FAM107B: variants seen among roughly 807,000 people sequenced by gnomAD.
The protein encoded by FAM107B is protein FAM107B.
FAM107B carries 21 observed loss-of-function variants against 31.5 expected under a neutral mutation model. That is an observed-to-expected ratio of 0.67 (90% CI 0.47 to 0.96). The LOEUF (loss-of-function observed/expected upper bound fraction) is 0.96. Among genes scored for constraint, FAM107B ranks in the 40% least tolerant of loss-of-function variants. FAM107B has a pLI of 0.00. For missense variants in FAM107B, 452 were observed against 377.1 expected, an observed-to-expected ratio of 1.20 and a Z score of -1.64; for synonymous variants, 157 against 141.5, an observed-to-expected ratio of 1.11 and a Z score of -0.78.
At chr10:14,590,059 G>A (rs1056307241) in intron 2 of FAM107B, among the ~76,000 whole-genome samples, 2 of 152,184 alleles carry the variant, frequency 1.3e-5, no homozygotes, top group African/African-American at 2.4e-5. Flanking sequence ...ATTCCAGGAT[G>A]AGTTTTGGTT....
intron 1 of FAM107B, among the ~76,000 whole-genome samples, chr10:14,770,671 A>C (rs902126640): frequency 3.3e-5 from 5 of 152,224 alleles, no homozygotes; most frequent in African/African-American, 1.2e-4. Flanking sequence ...CAATTATAAG[A>C]CACATTCCCA....
chr10:14,692,066 G>A (rs1290968463), intron 1 of FAM107B, among the ~76,000 whole-genome samples: 1 of 152,050 alleles, frequency 6.6e-6, no homozygotes, highest in Non-Finnish European at 1.5e-5. Flanking sequence ...TTACAGGTTT[G>A]GAGGCAAGTG....
chr10:14,691,314 C>T (rs1229901237), intron 1 of FAM107B, among the ~76,000 whole-genome samples: 1 of 152,122 alleles, frequency 6.6e-6, no homozygotes, highest in Non-Finnish European at 1.5e-5. Context: ...TTAGCTCAGT[C>T]CTGCAGAGTC....
At position 14,727,715 on chromosome 10, in the gene FAM107B, A is replaced by G. The variant is rs138910285; in HGVS notation, c.411+46538T>C. On this transcript the variant is annotated intron_variant, in intron 1 of 4. Transcript: ENST00000181796. ...TTAATAACAGACTTCCCTTCCTCGAATCACTTCCCCACTCTCCCACCAGGG... is the reference window on the plus strand; with the variant it reads ...TTAATAACAGACTTCCCTTCCTCGAGTCACTTCCCCACTCTCCCACCAGGG... Among the ~76,000 whole-genome samples the G allele has an allele frequency of 3.4e-3, 523 of 152,336 alleles. 12 individuals carry two copies. The East Asian group carries it at 0.046, about 13-fold the overall frequency.
At chr10:14,575,605 G>C (rs7910322) in intron 2 of FAM107B, among the ~76,000 whole-genome samples, 118,886 of 152,140 alleles carry the variant, frequency 0.78, 46,747 homozygotes, top group Middle Eastern at 0.86. Flanking sequence ...AAGGAGCTCA[G>C]GCAGGCACAG....
At chr10:14,686,478 A>C (rs548289436) in intron 1 of FAM107B, among the ~76,000 whole-genome samples, 1 of 152,178 alleles carries the variant, frequency 6.6e-6, no homozygotes, top group Admixed American at 6.5e-5. Flanking sequence ...AGGCATTCTA[A>C]GCTTCTAAGC....
intron 3 of FAM107B, 168 bp downstream of exon 3, chr10:14,530,164 C>A: frequency 1.4e-6 from 1 of 707,746 alleles, no homozygotes; most frequent in Non-Finnish European, 2.3e-6. Flanking sequence ...AGGGGATCTG[C>A]CTCACGGAGG....
intron 2 of FAM107B, among the ~76,000 whole-genome samples, chr10:14,573,814 G>A (rs964403198): frequency 6.6e-6 from 1 of 151,818 alleles, no homozygotes; most frequent in African/African-American, 2.4e-5. Context: ...GCATAGAACA[G>A]ACTACAACAG....
chr10:14,603,881 G>A (rs1354300358), intron 2 of FAM107B, among the ~76,000 whole-genome samples: 1 of 151,290 alleles, frequency 6.6e-6, no homozygotes, highest in Non-Finnish European at 1.5e-5. Flanking sequence ...GCGGGCATAC[G>A]GCGCACACGG....
At chr10:14,615,336 CA>C (rs201846000) in intron 2 of FAM107B, among the ~76,000 whole-genome samples, 6 of 149,346 alleles carry the variant, frequency 4.0e-5, no homozygotes, top group African/African-American at 1.5e-4. Context: ...CTCAAAAAAA[CA>C]AAAAAAAAGG....
intron 1 of FAM107B, among the ~76,000 whole-genome samples, chr10:14,688,279 T>C (rs918984195): frequency 9.9e-5 from 15 of 152,212 alleles, no homozygotes; most frequent in African/African-American, 3.6e-4. Flanking sequence ...TTCCCTACTT[T>C]TGAGGTTTTG....
At chr10:14,533,921 G>A (rs573912803) in intron 2 of FAM107B, among the ~76,000 whole-genome samples, 3 of 152,174 alleles carry the variant, frequency 2.0e-5, no homozygotes, top group South Asian at 2.1e-4. Flanking sequence ...ACTGCGAGCC[G>A]GTGCAGGAGG....
intron 1 of FAM107B, among the ~76,000 whole-genome samples, chr10:14,725,161 A>T (rs991914): frequency 0.22 from 33,684 of 152,048 alleles, 3,930 homozygotes; most frequent in African/African-American, 0.29. Context: ...AGACTCTCAG[A>T]CGGTCAGCAT....
chr10:14,659,525 A>G (rs1171140557), intron 2 of FAM107B, among the ~76,000 whole-genome samples: 1 of 152,228 alleles, frequency 6.6e-6, no homozygotes, highest in Non-Finnish European at 1.5e-5. Context: ...CAAACTCAGG[A>G]TAAGTTTCCC....
chr10:14,654,555 C>T (rs1458293971), intron 2 of FAM107B, among the ~76,000 whole-genome samples: 1 of 152,118 alleles, frequency 6.6e-6, no homozygotes, highest in East Asian at 1.9e-4. Flanking sequence ...TCGTTTAAGA[C>T]TCTTAGCTGT....
At chr10:14,578,424 C>T (rs1331551577) in intron 2 of FAM107B, among the ~76,000 whole-genome samples, 4 of 152,192 alleles carry the variant, frequency 2.6e-5, no homozygotes, top group South Asian at 2.1e-4. Flanking sequence ...CAAGTTGCTT[C>T]CCTATCACGG....
At chr10:14,762,553 G>A (rs1183853436) in intron 1 of FAM107B, among the ~76,000 whole-genome samples, 3 of 152,036 alleles carry the variant, frequency 2.0e-5, no homozygotes, top group South Asian at 2.1e-4. Flanking sequence ...CCGGGAGTTC[G>A]AGACCAGCCT....
chr10:14,761,785 G>C (rs2609816), intron 1 of FAM107B, among the ~76,000 whole-genome samples: 2 of 143,230 alleles, frequency 1.4e-5, no homozygotes, highest in Non-Finnish European at 2.9e-5. Context: ...TTTAGTAGAG[G>C]GGGGGGTTTC....
chr10:14,647,043 C>T (rs928810201), intron 2 of FAM107B, among the ~76,000 whole-genome samples: 3 of 152,060 alleles, frequency 2.0e-5, no homozygotes, highest in Non-Finnish European at 4.4e-5. Context: ...ATCCGCCTGC[C>T]TCGGCCTCCC....
Sources: allele counts gnomAD v4.1 joint callset (sites outside exome capture counted in the v4.1 genomes callset), GRCh38; gene constraint gnomAD v4.1.1; transcripts MANE v1.5; gene names NCBI Gene and HGNC (gene_info 2026-07-23, HGNC 2026-07-21).